Variants in N4BP3 observed in about 807,000 individuals in gnomAD.
N4BP3 encodes NEDD4 binding protein 3.
Under a neutral mutation model 43.8 loss-of-function variants are expected in N4BP3, and 33 were observed. The observed-to-expected ratio is 0.75, with a 90% CI of 0.57 to 1.01. The LOEUF (loss-of-function observed/expected upper bound fraction) is 1.01. N4BP3 is among the 50% of genes least tolerant of loss of function. The probability of loss-of-function intolerance (pLI) is 0.00; values close to 1 mark genes in which losing one functional copy is unlikely to be tolerated. For missense variants in N4BP3, 756 were observed against 744.2 expected (o/e 1.02, Z -0.18); for synonymous variants, 326 against 321.9 (o/e 1.01, Z -0.14).
chr5:178,118,043 G>C lies in N4BP3; in HGVS notation c.-30-1511G>C, dbSNP rs1757812933. 6.6e-6 allele frequency among the ~76,000 whole-genome samples: 1 copy of C among 152,202 alleles called. No individual in the cohort carries two copies. Among genetic ancestry groups the C allele is most frequent in the Non-Finnish European group, 1.5e-5 (1 of 68,034 alleles). ...CCCACAGCTGCAGCTGGCCTGCTGG[G>C]CTTCTGTTCGAGAATGGGAGCAGCT... On this transcript the variant is annotated intron_variant, in intron 1 of 4. Transcript: ENST00000274605. The surrounding 1 kb of genome is among the most constrained non-coding windows in gnomAD (Gnocchi z 5.4).
intron 1 of N4BP3, among the ~76,000 whole-genome samples, chr5:178,114,185 A>G (rs1029950915): frequency 3.9e-5 from 6 of 152,280 alleles, no homozygotes; most frequent in African/African-American, 1.4e-4. Context: ...AGGGGCCAGG[A>G]GGAGACGCGC....
rs1469175299 is a variant in N4BP3, at chr5:178,118,389, G to GGT, written c.-30-1157_-30-1156dup. ...CAGTGATAAGTGTTATTGTCGCCAG[G>GGT]GTGTGTGTGCGGAAGTCCAGGCTCA... On this transcript the variant is annotated intron_variant, in intron 1 of 4. Coordinates refer to ENST00000274605, the MANE Select transcript of N4BP3 (RefSeq NM_015111.2). This position sits in a 1 kb window ranked among gnomAD's most constrained non-coding sequence, Gnocchi z 5.4. 6.6e-6 allele frequency among the ~76,000 whole-genome samples: 1 copy of GGT among 152,212 alleles called. No individual in the cohort carries two copies. The highest frequency in any genetic ancestry group is 1.5e-5 in the Non-Finnish European group (1 of 68,046).
At chr5:178,120,975 A>T (rs1056259143) in intron 3 of N4BP3, 123 bp from the exon 4 acceptor site, 1 of 1,347,124 alleles carries the variant, frequency 7.4e-7, no homozygotes, top group Non-Finnish European at 9.9e-7. Flanking sequence ...GTTAAAGCGC[A>T]TGTGTGGCTG....
rs1026023613 is a variant in N4BP3 at position 178,113,653 on chromosome 5, G to A, written c.-149G>A. ...CCGGCGCCTGCCGCTCCGCCGCTCCGACCCGGCACGCAGTCCCGGCCCGAG... is the reference window on the plus strand; with the variant it reads ...CCGGCGCCTGCCGCTCCGCCGCTCCAACCCGGCACGCAGTCCCGGCCCGAG... On this transcript the variant is annotated 5_prime_UTR_variant, in exon 1 of 5. Coordinates refer to ENST00000274605, the MANE Select transcript of N4BP3 (RefSeq NM_015111.2). 1 of 151,978 alleles carries A rather than the reference G, an allele frequency of 6.6e-6. No homozygotes were observed. The highest frequency in any genetic ancestry group is 1.5e-5 in the Non-Finnish European group (1 of 67,990). 9.4% of individuals were successfully genotyped at this position (151,978 alleles called of 1,614,324 possible).
chr5:178,120,585 C>T lies in N4BP3; in HGVS notation c.738C>T (p.Pro246=). The T allele has an allele frequency of 6.2e-7, 1 of 1,612,852 alleles. No homozygotes were observed. The highest frequency in any genetic ancestry group is 1.1e-5 in the South Asian group (1 of 91,088). ...AVLSCLPEPP[P]PYEFSCSSAE... is the part of the protein sequence containing the mutation. Reference sequence around the variant, plus strand: ...TGAGCTGCCTGCCCGAGCCACCACCCCCCTACGAGTTCTCCTGCTCCTCTG... The same window carrying T: ...TGAGCTGCCTGCCCGAGCCACCACCTCCCTACGAGTTCTCCTGCTCCTCTG... The change falls in exon 3 of 5, where the codon CCC becomes CCT. Residue 246 remains proline, a synonymous_variant. Transcript: ENST00000274605.
rs1757814236 is a variant in N4BP3 at position 178,118,109 on chromosome 5, C to T, written c.-30-1445C>T. ...GCAGAGAAGGTGGCATTTGTTCACTCGGCCAGACCTTTCTGCACGCCCGCT... is the reference window on the plus strand; with the variant it reads ...GCAGAGAAGGTGGCATTTGTTCACTTGGCCAGACCTTTCTGCACGCCCGCT... On this transcript the variant is annotated intron_variant, in intron 1 of 4. Transcript: ENST00000274605. The surrounding 1 kb of genome is among the most constrained non-coding windows in gnomAD (Gnocchi z 5.4). Among the ~76,000 whole-genome samples, 1 of 152,282 alleles carries T rather than the reference C, an allele frequency of 6.6e-6. No individual in the cohort carries two copies. The highest frequency in any genetic ancestry group is 3.4e-3 in the Middle Eastern group (1 of 294).
chr5:178,115,331 C>T (rs1355892569), intron 1 of N4BP3, among the ~76,000 whole-genome samples: 1 of 152,152 alleles, frequency 6.6e-6, no homozygotes, highest in Non-Finnish European at 1.5e-5. Flanking sequence ...CTGGGCCCCC[C>T]TTGCCTACTA....
At chr5:178,114,972 C>G (rs545224883) in intron 1 of N4BP3, among the ~76,000 whole-genome samples, 1 of 152,174 alleles carries the variant, frequency 6.6e-6, no homozygotes, top group Non-Finnish European at 1.5e-5. Context: ...GAACCCGTGA[C>G]CCCTGGCTTA....
intron 1 of N4BP3, among the ~76,000 whole-genome samples, chr5:178,114,988 A>G (rs935961045): frequency 4.6e-5 from 7 of 152,132 alleles, no homozygotes; most frequent in African/African-American, 1.7e-4. Context: ...GCTTAGGACA[A>G]CCTGCTGAGG....
downstream of N4BP3, among the ~76,000 whole-genome samples, chr5:178,126,879 G>T (rs925273452): frequency 6.6e-6 from 1 of 152,146 alleles, no homozygotes; most frequent in African/African-American, 2.4e-5. Flanking sequence ...CAACCTCCTA[G>T]CGTCTGCTGC....
At chr5:178,117,724 T>C (rs915236754) in intron 1 of N4BP3, among the ~76,000 whole-genome samples, 1 of 148,964 alleles carries the variant, frequency 6.7e-6, no homozygotes, top group African/African-American at 2.5e-5. Context: ...TGTGATTCCT[T>C]ACCTGGATGC....
Position 178,120,209 on chromosome 5 carries a change from C to T in N4BP3, c.362C>T (p.Thr121Met), listed in dbSNP as rs775757520. The change falls in exon 3 of 5, where the codon ACG (threonine) becomes ATG (methionine). Residue 121 changes from threonine (T) to methionine (M), a missense_variant. By Grantham distance (81) the Thr-to-Met change is moderately conservative (BLOSUM62 -1). Transcript: ENST00000274605. ...ATTCGCCCCTCAGTGTTCAAGCCTA[C>T]GGCGGGCAACGGGAAAGGCTTCCTA... ...CRIRPSVFKP[T>M]AGNGKGFLSM... The T allele has an allele frequency of 7.9e-5, 126 of 1,588,802 alleles. No individual in the cohort carries two copies. In the Middle Eastern group the frequency reaches 1.3e-3, roughly 17 times the overall value.
At position 178,113,746 on chromosome 5, in the gene N4BP3, G is replaced by A. The variant is rs1757702377; in HGVS notation, c.-56G>A. On this transcript the variant is annotated 5_prime_UTR_variant, in exon 1 of 5. Coordinates refer to ENST00000274605, the MANE Select transcript of N4BP3 (RefSeq NM_015111.2). ...CGACGCGCAAGGGCTGCGGAGCCGC[G>A]GGCCGGCGAGCGCGTCGCCACCATG... 1 of 151,838 alleles carries A rather than the reference G, an allele frequency of 6.6e-6. No individual in the cohort carries two copies. The highest frequency in any genetic ancestry group is 2.4e-5 in the African/African-American group (1 of 41,374). The allele number at this position is 151,838 out of a possible 1,614,324, so 9.4% of individuals were successfully genotyped here. A position where few individuals can be genotyped will look rare whatever the true frequency, so the allele number is the denominator to read the frequency against.
At position 178,121,264 on chromosome 5, in the gene N4BP3, A is replaced by G; in HGVS notation, c.1019A>G (p.Gln340Arg). 6.2e-7 allele frequency: 1 copy of G among 1,606,870 alleles called. No individual in the cohort carries two copies. The highest frequency in any genetic ancestry group is 8.5e-7 in the Non-Finnish European group (1 of 1,176,920). The change falls in exon 4 of 5, where the codon CAG (glutamine) becomes CGG (arginine). Residue 340 changes from glutamine (Q) to arginine (R), a missense_variant. Transcript: ENST00000274605. Reference protein sequence around the residue: ...QRRLRKELRAQQGLAPEPRAP... With the variant: ...QRRLRKELRARQGLAPEPRAP... ...CGCCTGCGCAAGGAGCTGCGGGCTC[A>G]GCAGGGCCTGGCTCCGGAGCCTCGG...
Position 178,121,296 on chromosome 5 carries a change from G to A in N4BP3, c.1051G>A (p.Gly351Ser), listed in dbSNP as rs868265395. The A allele has an allele frequency of 1.9e-6, 3 of 1,606,210 alleles. No individual in the cohort carries two copies. The highest frequency in any genetic ancestry group is 1.7e-5 in the Admixed American group (1 of 59,628). Residue 351 changes from glycine to serine, a missense_variant, in exon 4 of 5, where the codon GGC becomes AGC. Coordinates refer to ENST00000274605, the MANE Select transcript of N4BP3 (RefSeq NM_015111.2). ...CCTGGCTCCGGAGCCTCGGGCCCCCGGCACCCTCCCAGAGGCTGACCCCAG... is the reference window on the plus strand; with the variant it reads ...CCTGGCTCCGGAGCCTCGGGCCCCCAGCACCCTCCCAGAGGCTGACCCCAG... ...QGLAPEPRAP[G>S]TLPEADPSAR...
At position 178,125,638 on chromosome 5, in the gene N4BP3, G is replaced by A. The variant is rs1321471470; in HGVS notation, c.*3637G>A. On this transcript the variant is annotated 3_prime_UTR_variant, in exon 5 of 5. Transcript: ENST00000274605. ...ACAAAAACAAAAGTGATTATGTCAC[G>A]AGAGGAGAGGCTGGAGGGCCATGGG... 6.6e-6 allele frequency: 1 copy of A among 152,388 alleles called. No homozygotes were observed. Among genetic ancestry groups the A allele is most frequent in the East Asian group, 1.9e-4 (1 of 5,192 alleles). 9.4% of individuals were successfully genotyped at this position (152,388 alleles called of 1,614,324 possible).
chr5:178,114,524 AAG>A (rs890052986), intron 1 of N4BP3, among the ~76,000 whole-genome samples: 1 of 152,092 alleles, frequency 6.6e-6, no homozygotes, highest in African/African-American at 2.4e-5. Context: ...TGTATCCAGA[AAG>A]AGAACTGAGA....
In N4BP3 at chr5:178,123,884, C is replaced by T. The variant is rs1427707940; in HGVS notation, c.*1883C>T. On this transcript the variant is annotated 3_prime_UTR_variant, in exon 5 of 5. Transcript: ENST00000274605. ...GTGGAGCCTGTGTCCCAGACAGATC[C>T]CCTAGGCCTATCTGAGACCCATACA... The T allele has an allele frequency of 6.5e-6, 1 of 152,712 alleles. No individual in the cohort carries two copies. Among genetic ancestry groups the T allele is most frequent in the Non-Finnish European group, 1.5e-5 (1 of 68,140 alleles). The allele number at this position is 152,712 out of a possible 1,614,324, so 9.5% of individuals were successfully genotyped here.
chr5:178,116,381 G>A (rs912816314), intron 1 of N4BP3, among the ~76,000 whole-genome samples: 1 of 4,672 alleles, frequency 2.1e-4, no homozygotes, highest in Non-Finnish European at 4.2e-4. Flanking sequence ...TGGGGGAGCT[G>A]ATAATCCAGT....
Sources: allele counts gnomAD v4.1 joint callset (sites outside exome capture counted in the v4.1 genomes callset), GRCh38; gene constraint gnomAD v4.1.1; non-coding constraint Gnocchi (gnomAD v3.1); transcripts MANE v1.5; gene names NCBI Gene and HGNC (gene_info 2026-07-23, HGNC 2026-07-21).